The following CELF2 variants were observed in gnomAD, a reference collection of about 807,000 sequenced individuals.
CELF2 encodes CUGBP Elav-like family member 2.
In CELF2, 8 loss-of-function variants were observed where a neutral mutation model predicts 62.6. That is an observed-to-expected ratio of 0.13 (90% CI 0.07 to 0.23). The LOEUF is 0.23. Ranked by LOEUF, CELF2 falls within the 10% of genes least tolerant of loss-of-function variation. The probability of loss-of-function intolerance (pLI) is 1.00; values close to 1 mark genes in which losing one functional copy is unlikely to be tolerated. For synonymous variants in CELF2, 258 were observed against 250.0 expected (o/e 1.03, Z -0.30); for missense variants, 333 against 671.0 (o/e 0.50, Z 5.56).
rs567847921 is a variant in CELF2 at position 10,933,346 on chromosome 10, C to T, written c.89+13347C>T. On this transcript the variant is annotated intron_variant, in intron 2 of 13. Transcript: ENST00000636488. ...AATAGTTATACATATTTATGTGGTACAGTATGATATTTCTATACCTGAATA... is the reference window on the plus strand; with the variant it reads ...AATAGTTATACATATTTATGTGGTATAGTATGATATTTCTATACCTGAATA... Among the ~76,000 whole-genome samples, 23 of 152,214 alleles carry T rather than the reference C, an allele frequency of 1.5e-4. No homozygotes were observed. In the Middle Eastern group the frequency reaches 0.01, roughly 68 times the overall value.
chr10:11,163,873 G>A (rs763429327), intron 1 of CELF2, among the ~76,000 whole-genome samples: 15 of 152,206 alleles, frequency 9.9e-5, no homozygotes, highest in African/African-American at 3.4e-4. Context: ...TTGTTTTTAG[G>A]GGCTTAGGGC....
chr10:10,705,165 A>G, the CELF2 span, among the ~76,000 whole-genome samples: 2,765 of 152,242 alleles, frequency 0.018, 43 homozygotes, highest in African/African-American at 0.043. Flanking sequence ...TAGCCTGGGC[A>G]ACAGAGCTAG....
the CELF2 span, among the ~76,000 whole-genome samples, chr10:10,486,830 T>A: frequency 6.6e-6 from 1 of 152,148 alleles, no homozygotes; most frequent in Non-Finnish European, 1.5e-5. Context: ...TTGACATGTG[T>A]TAAAAGCAGA....
intron 1 of CELF2, among the ~76,000 whole-genome samples, chr10:11,107,908 CCCTTCTCCCATTCTCTTT>C (rs1362950434): frequency 2.7e-5 from 3 of 111,558 alleles, no homozygotes; most frequent in South Asian, 3.1e-4. Context: ...CCCATCTCCT[CCCTTCTCCCATTCTCTTT>C]CCTTCCTGTC....
intron 1 of CELF2, among the ~76,000 whole-genome samples, chr10:10,850,421 C>A (rs2059312495): frequency 1.3e-5 from 2 of 152,170 alleles, no homozygotes; most frequent in South Asian, 4.1e-4. Flanking sequence ...CAAGACATGG[C>A]CCTTGAGTAT....
At chr10:10,851,762 A>G (rs2059397923) in intron 1 of CELF2, among the ~76,000 whole-genome samples, 1 of 152,216 alleles carries the variant, frequency 6.6e-6, no homozygotes, top group Admixed American at 6.5e-5. Context: ...AGAGGAAAGC[A>G]AACAGCCCAA....
the CELF2 span, among the ~76,000 whole-genome samples, chr10:10,582,120 C>T: frequency 6.6e-6 from 1 of 152,198 alleles, no homozygotes; most frequent in Admixed American, 6.5e-5. Context: ...ATTTGTCTGA[C>T]TGTATATAAT....
At chr10:11,106,863 A>C (rs2053630563) in intron 1 of CELF2, among the ~76,000 whole-genome samples, 1 of 152,198 alleles carries the variant, frequency 6.6e-6, no homozygotes, top group Non-Finnish European at 1.5e-5. Flanking sequence ...TTCAGTGTGC[A>C]GGCTACTTCT....
the CELF2 span, among the ~76,000 whole-genome samples, chr10:10,497,218 A>AG: frequency 6.6e-6 from 1 of 151,558 alleles, no homozygotes; most frequent in Admixed American, 6.6e-5. Context: ...TAAAAAGAAA[A>AG]AAAAAATGAC....
chr10:11,277,484 G>A (rs959469308), intron 8 of CELF2, among the ~76,000 whole-genome samples: 1 of 152,212 alleles, frequency 6.6e-6, no homozygotes, highest in Admixed American at 6.5e-5. Flanking sequence ...AGGAGAGCAT[G>A]GCCCCGTGGC....
intron 1 of CELF2, among the ~76,000 whole-genome samples, chr10:11,031,308 G>A (rs1438174754): frequency 6.6e-6 from 1 of 152,184 alleles, no homozygotes; most frequent in South Asian, 2.1e-4. Flanking sequence ...TATCAGTGGA[G>A]TTTCAATGAT....
intron 2 of CELF2, among the ~76,000 whole-genome samples, chr10:11,194,105 C>T (rs376120707): frequency 1.1e-4 from 17 of 152,138 alleles, no homozygotes; most frequent in Admixed American, 5.2e-4. Flanking sequence ...CTCACTCTGT[C>T]GCCAGGCTGG....
At chr10:10,784,100 A>T in the CELF2 span, among the ~76,000 whole-genome samples, 1 of 152,218 alleles carries the variant, frequency 6.6e-6, no homozygotes, top group Non-Finnish European at 1.5e-5. Context: ...AACTAAACAC[A>T]TTTCAACCCA....
chr10:10,462,974 AC>A, the CELF2 span, among the ~76,000 whole-genome samples: 179 of 152,140 alleles, frequency 1.2e-3, 6 homozygotes, highest in East Asian at 0.033. Flanking sequence ...TTTAATAGGT[AC>A]CTTGCAGACC....
chr10:11,076,719 T>G (rs1333379310), intron 1 of CELF2, among the ~76,000 whole-genome samples: 1 of 152,206 alleles, frequency 6.6e-6, no homozygotes, highest in Non-Finnish European at 1.5e-5. Context: ...AAGTTTATAG[T>G]CAAAGAAGCA....
the CELF2 span, among the ~76,000 whole-genome samples, chr10:10,768,828 C>A: frequency 7.0e-3 from 1,063 of 152,242 alleles, 13 homozygotes; most frequent in African/African-American, 0.025. Flanking sequence ...CCCACCTCGG[C>A]CTCCCAAAGT....
At position 10,959,886 on chromosome 10, in the gene CELF2, C is replaced by T. The variant is rs112892097; in HGVS notation, c.89+39887C>T. On this transcript the variant is annotated intron_variant, in intron 2 of 13. Transcript: ENST00000636488. The stretch of plus-strand genomic sequence containing the variant: ...GTGAACCGTTACAACATTGAATTAT[C>T]GTTTTCCTTTTCAATTAGCACCAGT... Among the ~76,000 whole-genome samples, 870 of 152,312 alleles carry T rather than the reference C, an allele frequency of 5.7e-3. 1 individual carries two copies. Among genetic ancestry groups the T allele is most frequent in the Admixed American group, 0.012 (183 of 15,288 alleles).
the CELF2 span, among the ~76,000 whole-genome samples, chr10:10,780,063 T>C: frequency 6.6e-6 from 1 of 152,196 alleles, no homozygotes; most frequent in Non-Finnish European, 1.5e-5. Context: ...TCACTTTAAG[T>C]TCTGATATTT....
At chr10:11,043,363 G>A (rs1356858681) in intron 1 of CELF2, among the ~76,000 whole-genome samples, 1 of 152,164 alleles carries the variant, frequency 6.6e-6, no homozygotes, top group Non-Finnish European at 1.5e-5. Flanking sequence ...AAACACATGA[G>A]AAAATAATAA....
Sources: allele counts gnomAD v4.1 joint callset (sites outside exome capture counted in the v4.1 genomes callset), GRCh38; gene constraint gnomAD v4.1.1; transcripts MANE v1.5; gene names NCBI Gene and HGNC (gene_info 2026-07-23, HGNC 2026-07-21).